GRM7: variants seen among roughly 807,000 people sequenced by gnomAD.
The protein encoded by GRM7 is metabotropic glutamate receptor 7.
GRM7 carries 35 observed loss-of-function variants against 84.5 expected under a neutral mutation model. That is an observed-to-expected ratio of 0.41 (90% CI 0.32 to 0.55). The LOEUF (loss-of-function observed/expected upper bound fraction) is 0.55, where lower values mean the gene tolerates loss of function less well. Ranked by LOEUF, GRM7 falls within the 20% of genes least tolerant of loss-of-function variation. The pLI is 0.19. For synonymous variants in GRM7, 487 were observed against 455.1 expected (o/e 1.07, Z -0.89); for missense variants, 1,003 against 1,194.6 (o/e 0.84, Z 2.36).
Position 7,151,905 on chromosome 3 carries a change from T to C in GRM7, c.736+5237T>C, listed in dbSNP as rs987850201. On this transcript the variant is annotated intron_variant, in intron 2 of 9. Transcript: ENST00000357716. The surrounding 1 kb of genome is among the most constrained non-coding windows in gnomAD (Gnocchi z 4.5). ...GTAATTCCTAATACCACCATCTATA[T>C]TGAATTCTGTTTTTTTTTTCTTTCT... 7.1e-6 allele frequency among the ~76,000 whole-genome samples: 1 copy of C among 139,922 alleles called. No individual in the cohort carries two copies. The highest frequency in any genetic ancestry group is 3.0e-5 in the African/African-American group (1 of 33,016). The allele number at this position is 139,922 out of a possible 152,430, so 91.8% of individuals were successfully genotyped here.
chr3:7,588,153 C>G (rs1020783125), intron 8 of GRM7, among the ~76,000 whole-genome samples: 19 of 152,144 alleles, frequency 1.2e-4, no homozygotes, highest in African/African-American at 3.6e-4. Context: ...TGCCCATATA[C>G]AGCCTTCCTT....
chr3:7,374,355 T>G lies in GRM7; in HGVS notation c.1034-40668T>G, dbSNP rs533845175. Reference sequence around the variant, plus strand: ...GTACCATCCCTGGCTAATATTAATATTTTTATTGAGGCCACACCTCGCTTT... The same window carrying G: ...GTACCATCCCTGGCTAATATTAATAGTTTTATTGAGGCCACACCTCGCTTT... On this transcript the variant is annotated intron_variant, in intron 4 of 9. Transcript: ENST00000357716. Among the ~76,000 whole-genome samples, 7 of 152,252 alleles carry G rather than the reference T, an allele frequency of 4.6e-5. No individual in the cohort carries two copies. In the East Asian group the frequency reaches 1.4e-3, roughly 29 times the overall value.
At chr3:7,109,884 A>G (rs1030946756) in intron 1 of GRM7, among the ~76,000 whole-genome samples, 5 of 152,060 alleles carry the variant, frequency 3.3e-5, no homozygotes, top group African/African-American at 1.2e-4. Context: ...CATAAATCCA[A>G]TCTTCTCATC....
chr3:6,936,656 A>G (rs1294742665), intron 1 of GRM7, among the ~76,000 whole-genome samples: 8 of 152,116 alleles, frequency 5.3e-5, no homozygotes, highest in African/African-American at 1.9e-4. Flanking sequence ...ATGATAATTG[A>G]TTAGTCTTCT....
chr3:6,986,294 G>C (rs530815264), intron 1 of GRM7, among the ~76,000 whole-genome samples: 1 of 152,252 alleles, frequency 6.6e-6, no homozygotes, highest in South Asian at 2.1e-4. Context: ...CCTTTATTAT[G>C]GTGATGGTAT....
intron 4 of GRM7, among the ~76,000 whole-genome samples, chr3:7,314,749 C>T (rs1015118304): frequency 3.9e-5 from 6 of 152,036 alleles, no homozygotes; most frequent in African/African-American, 1.4e-4. Flanking sequence ...TTAGTAAGTC[C>T]AATGTCTGGG....
chr3:7,120,058 T>G (rs1217404350), intron 1 of GRM7, among the ~76,000 whole-genome samples: 1 of 151,918 alleles, frequency 6.6e-6, no homozygotes, highest in African/African-American at 2.4e-5. Context: ...AGAGATAAAA[T>G]AAACAAGCAC....
At chr3:7,063,018 T>A (rs760126542) in intron 1 of GRM7, among the ~76,000 whole-genome samples, 1 of 151,698 alleles carries the variant, frequency 6.6e-6, no homozygotes, top group African/African-American at 2.4e-5. Flanking sequence ...CAGAAAGTCA[T>A]ACTGTAAGAA....
intron 8 of GRM7, among the ~76,000 whole-genome samples, chr3:7,670,202 G>A (rs552501918): frequency 6.6e-6 from 1 of 152,278 alleles, no homozygotes; most frequent in East Asian, 1.9e-4. Context: ...GGAAAACAAA[G>A]ACATATACAG....
At chr3:7,713,114 A>ATTTTTTTTTT (rs1165234212) in intron 9 of GRM7, among the ~76,000 whole-genome samples, 4 of 129,852 alleles carry the variant, frequency 3.1e-5, no homozygotes, top group African/African-American at 6.2e-5. Flanking sequence ...GAGGATTCGA[A>ATTTTTTTTTT]TTTTGTTTTG....
In GRM7 at chr3:7,594,636, C is replaced by T. The variant is rs574020944; in HGVS notation, c.2451+15279C>T. Among the ~76,000 whole-genome samples, 23 of 152,202 alleles carry T rather than the reference C, an allele frequency of 1.5e-4. No homozygotes were observed. The South Asian group carries it at 2.7e-3, about 18-fold the overall frequency. ...CAAACCTGTCTTCCCGACAGGCCTC[C>T]GCAGTATTCATTCTGGAAACCCATC... On this transcript the variant is annotated intron_variant, in intron 8 of 9. Coordinates refer to ENST00000357716, the MANE Select transcript of GRM7 (RefSeq NM_000844.4).
At chr3:7,200,343 G>A (rs1482634473) in intron 2 of GRM7, among the ~76,000 whole-genome samples, 1 of 152,186 alleles carries the variant, frequency 6.6e-6, no homozygotes, top group Non-Finnish European at 1.5e-5. Flanking sequence ...AGAATATCCA[G>A]GGAAGGGGGT....
chr3:7,714,958 C>T (rs1701720650), intron 9 of GRM7, among the ~76,000 whole-genome samples: 1 of 152,206 alleles, frequency 6.6e-6, no homozygotes, highest in South Asian at 2.1e-4. Flanking sequence ...CTTCTCTTCC[C>T]AGCCAAAGCA....
chr3:7,373,921 T>G (rs1694239389), intron 4 of GRM7, among the ~76,000 whole-genome samples: 1 of 152,170 alleles, frequency 6.6e-6, no homozygotes, highest in African/African-American at 2.4e-5. Flanking sequence ...AACCTTAATT[T>G]TAATTAGATT....
At chr3:7,731,825 A>G (rs1575679574) in intron 9 of GRM7, among the ~76,000 whole-genome samples, 1 of 151,444 alleles carries the variant, frequency 6.6e-6, no homozygotes, top group African/African-American at 2.4e-5. Flanking sequence ...CAGCGCCCCC[A>G]CTCTTGTGGC....
chr3:7,674,488 G>A (rs999737876), intron 8 of GRM7, among the ~76,000 whole-genome samples: 2 of 152,066 alleles, frequency 1.3e-5, no homozygotes, highest in South Asian at 2.1e-4. Flanking sequence ...TACAGTGCCC[G>A]GATGAATATT....
intron 9 of GRM7, among the ~76,000 whole-genome samples, chr3:7,732,068 C>CA (rs967810980): frequency 1.3e-5 from 2 of 151,864 alleles, no homozygotes; most frequent in African/African-American, 4.8e-5. Context: ...TTGTTTGAGA[C>CA]AGAGTCTCGC....
At chr3:7,138,509 CTTTA>C (rs893724866) in intron 1 of GRM7, among the ~76,000 whole-genome samples, 11 of 151,714 alleles carry the variant, frequency 7.3e-5, no homozygotes, top group South Asian at 2.1e-4. Flanking sequence ...GTTCTTTGTA[CTTTA>C]TTTAAGCAAA....
At chr3:7,628,348 G>C (rs960879812) in intron 8 of GRM7, among the ~76,000 whole-genome samples, 1 of 152,042 alleles carries the variant, frequency 6.6e-6, no homozygotes, top group African/African-American at 2.4e-5. Context: ...CCCAGGTCAC[G>C]ACTTCAGAAA....
Sources: gnomAD v4.1 joint callset for allele counts (sites outside exome capture counted in the v4.1 genomes callset) on GRCh38, gnomAD v4.1.1 for gene constraint, Gnocchi (gnomAD v3.1) non-coding constraint, MANE v1.5 for transcripts, NCBI Gene and HGNC (gene_info 2026-07-23, HGNC 2026-07-21) for gene names.